The following IQSEC1 variants were observed in gnomAD, a reference collection of about 807,000 sequenced individuals.
IQSEC1 encodes IQ motif and Sec7 domain ArfGEF 1.
Under a neutral mutation model 91.0 loss-of-function variants are expected in IQSEC1, and 31 were observed. That is an observed-to-expected ratio of 0.34 (90% confidence interval 0.26 to 0.46). The LOEUF (loss-of-function observed/expected upper bound fraction) is 0.46. Among genes scored for constraint, IQSEC1 ranks in the 20% least tolerant of loss-of-function variants. The pLI is 1.00. For synonymous variants in IQSEC1, 699 were observed against 662.6 expected, an observed-to-expected ratio of 1.05 and a Z score of -0.84; for missense variants, 1,388 against 1,575.6, an observed-to-expected ratio of 0.88 and a Z score of 2.02.
intron 1 of IQSEC1, among the ~76,000 whole-genome samples, chr3:13,208,120 G>C (rs904735071): frequency 2.0e-5 from 3 of 150,780 alleles, no homozygotes; most frequent in African/African-American, 7.4e-5. Flanking sequence ...TGGGTGGGTG[G>C]GTGGCCAGAC....
intron 1 of IQSEC1, among the ~76,000 whole-genome samples, chr3:12,956,033 GT>G (rs1699883963): frequency 6.6e-6 from 1 of 152,182 alleles, no homozygotes; most frequent in African/African-American, 2.4e-5. Context: ...GAAAATCTAA[GT>G]TTCGGACTCA....
At position 12,937,035 on chromosome 3, in the gene IQSEC1, C is replaced by T. The variant is rs539037676; in HGVS notation, c.319-338G>A. ...GCAACCTCCGCCTCCTGGGTTCAGA[C>T]GATCCTCCTGCCTCAACCTCCCGAG... is the stretch of plus-strand genomic sequence containing the variant. On this transcript the variant is annotated intron_variant, in intron 2 of 13. Coordinates refer to ENST00000613206, the MANE Select transcript of IQSEC1 (RefSeq NM_001134382.3). Among the ~76,000 whole-genome samples, 33 of 152,048 alleles carry T rather than the reference C, an allele frequency of 2.2e-4. 2 individuals are homozygous for T. The South Asian group carries it at 3.7e-3, about 17-fold the overall frequency.
chr3:13,257,534 G>T (rs929621954), intron 1 of IQSEC1, among the ~76,000 whole-genome samples: 1 of 151,490 alleles, frequency 6.6e-6, no homozygotes, highest in East Asian at 1.9e-4. Context: ...TCCCGCCCCC[G>T]CCTGGTGCAG....
At chr3:13,231,166 T>C (rs1333763658) in intron 1 of IQSEC1, among the ~76,000 whole-genome samples, 1 of 152,258 alleles carries the variant, frequency 6.6e-6, no homozygotes, top group East Asian at 1.9e-4. Context: ...TTTGGACATG[T>C]TACAAGTTAG....
chr3:13,138,999 G>A (rs1706757116), intron 2 of IQSEC1, among the ~76,000 whole-genome samples: 1 of 152,086 alleles, frequency 6.6e-6, no homozygotes, highest in Admixed American at 6.5e-5. Flanking sequence ...ACAGTTCCGG[G>A]AGCCCTCAGT....
Position 12,900,815 on chromosome 3 carries a change from CACA to C in IQSEC1, c.*165_*167del, listed in dbSNP as rs1559593924. ...AAATGAAATCTGGGCCTTTGTTCCACACAACACCAGCCCTGTGGGCTCCTGGGG... is the reference window on the plus strand; with the variant it reads ...AAATGAAATCTGGGCCTTTGTTCCACACACCAGCCCTGTGGGCTCCTGGGG... On this transcript the variant is annotated 3_prime_UTR_variant, in exon 14 of 14. Coordinates refer to ENST00000613206, the MANE Select transcript of IQSEC1 (RefSeq NM_001134382.3). 4.1e-6 allele frequency: 6 copies of C among 1,480,164 alleles called. No individual in the cohort carries two copies. The highest frequency in any genetic ancestry group is 1.4e-5 in the African/African-American group (1 of 71,236). 91.7% of individuals were successfully genotyped at this position (1,480,164 alleles called of 1,614,324 possible). A position where few individuals can be genotyped will look rare whatever the true frequency, so the allele number is the denominator to read the frequency against.
At chr3:12,999,762 C>G (rs1483883524) in intron 1 of IQSEC1, among the ~76,000 whole-genome samples, 4 of 152,198 alleles carry the variant, frequency 2.6e-5, no homozygotes, top group Admixed American at 6.5e-5. Flanking sequence ...TCCCTACTGC[C>G]CACCAAACCA....
intron 2 of IQSEC1, among the ~76,000 whole-genome samples, chr3:13,088,566 G>C (rs1262169569): frequency 6.6e-6 from 1 of 151,884 alleles, no homozygotes; most frequent in East Asian, 1.9e-4. Context: ...CCTTGATTCA[G>C]CTCTCAGCCA....
rs377665309 is a variant in IQSEC1 at position 13,192,877 on chromosome 3, G to T, written c.273-28744C>A. On this transcript the variant is annotated intron_variant, in intron 1 of 15. Transcript: ENST00000648114. ...GTTCTGCTTTGCAGATTCACCTTGA[G>T]GGGGAGCATTTGCCTCACCCCTGCT... Among the ~76,000 whole-genome samples, 16 of 152,366 alleles carry T rather than the reference G, an allele frequency of 1.1e-4. 1 individual carries two copies. In the South Asian group the frequency reaches 1.7e-3, roughly 16 times the overall value.
At chr3:13,233,307 G>A (rs890910403) in intron 1 of IQSEC1, among the ~76,000 whole-genome samples, 4 of 151,938 alleles carry the variant, frequency 2.6e-5, no homozygotes, top group African/African-American at 9.7e-5. Flanking sequence ...AACACACTTT[G>A]AGACATGCCA....
At chr3:13,081,237 C>T (rs1484119029) in intron 2 of IQSEC1, among the ~76,000 whole-genome samples, 1 of 152,212 alleles carries the variant, frequency 6.6e-6, no homozygotes, top group African/African-American at 2.4e-5. Flanking sequence ...GGCAGAATAA[C>T]TGGTCAGCTT....
In IQSEC1 at chr3:12,961,814, C is replaced by T. The variant is rs150408057; in HGVS notation, c.24-19949G>A. On this transcript the variant is annotated intron_variant, in intron 1 of 13. Transcript: ENST00000613206. ...TTCATTCATTTAATCCTCACAACAA[C>T]TCCATGGCCTCCTCCTGTCATCCAT... is the stretch of plus-strand genomic sequence containing the variant. Among the ~76,000 whole-genome samples the T allele has an allele frequency of 1.6e-4, 24 of 152,316 alleles. No individual in the cohort carries two copies. The East Asian group carries it at 4.6e-3, about 29-fold the overall frequency.
chr3:13,250,409 GC>G (rs1482808406), intron 1 of IQSEC1, among the ~76,000 whole-genome samples: 2 of 148,070 alleles, frequency 1.4e-5, no homozygotes, highest in Non-Finnish European at 3.0e-5. Flanking sequence ...AGTGCTATCA[GC>G]CCCACTTTCC....
intron 1 of IQSEC1, among the ~76,000 whole-genome samples, chr3:13,019,151 G>A (rs988892460): frequency 3.3e-5 from 5 of 152,236 alleles, no homozygotes; most frequent in South Asian, 2.1e-4. Flanking sequence ...ACAACCTACC[G>A]TTGTGGGCTC....
At chr3:12,962,713 C>T (rs1269252465) in intron 1 of IQSEC1, among the ~76,000 whole-genome samples, 3 of 152,224 alleles carry the variant, frequency 2.0e-5, no homozygotes, top group Non-Finnish European at 2.9e-5. Context: ...CCTGGGGCTG[C>T]GCACAGCACA....
At position 12,899,947 on chromosome 3, in the gene IQSEC1, C is replaced by CAAATCATATGCGCATAAAAG; in HGVS notation, c.*1016_*1035dup. 1.0e-6 allele frequency: 1 copy of CAAATCATATGCGCATAAAAG among 985,140 alleles called. No individual in the cohort carries two copies. Among genetic ancestry groups the CAAATCATATGCGCATAAAAG allele is most frequent in the Non-Finnish European group, 1.2e-6 (1 of 829,852 alleles). The allele number at this position is 985,140 out of a possible 1,614,324, so 61.0% of individuals were successfully genotyped here. On this transcript the variant is annotated 3_prime_UTR_variant, in exon 14 of 14. Coordinates refer to ENST00000613206, the MANE Select transcript of IQSEC1 (RefSeq NM_001134382.3). ...CGGAGGACTCTGAATGAGTGTGCGT[C>CAAATCATATGCGCATAAAAG]AAATCATATGCGCATAAAAGAAACA...
chr3:13,042,565 C>T (rs1364805464), intron 1 of IQSEC1: 1 of 152,418 alleles, frequency 6.6e-6, no homozygotes, highest in African/African-American at 2.4e-5. Flanking sequence ...AAAAGCCTAG[C>T]AACTCATTCA....
At chr3:13,203,163 CTA>C (rs1491257168) in intron 1 of IQSEC1, among the ~76,000 whole-genome samples, 3 of 104,416 alleles carry the variant, frequency 2.9e-5, no homozygotes, top group Admixed American at 2.1e-4. Context: ...ATTACCACTA[CTA>C]CACACACACA....
At chr3:13,269,121 C>T (rs1296653284) in intron 1 of IQSEC1, among the ~76,000 whole-genome samples, 1 of 152,180 alleles carries the variant, frequency 6.6e-6, no homozygotes, top group African/African-American at 2.4e-5. Context: ...GAGTGAGCTG[C>T]AGTGCAGGGG....
Sources: gnomAD v4.1 joint callset for allele counts (sites outside exome capture counted in the v4.1 genomes callset) on GRCh38, gnomAD v4.1.1 for gene constraint, MANE v1.5 for transcripts, NCBI Gene and HGNC (gene_info 2026-07-23, HGNC 2026-07-21) for gene names.